RNFT2: variants seen among roughly 807,000 people sequenced by gnomAD.
The protein encoded by RNFT2 is ring finger protein, transmembrane 2, also known as E3 ubiquitin-protein ligase RNFT2.
Under a neutral mutation model 53.0 loss-of-function variants are expected in RNFT2, and 36 were observed. That is an observed-to-expected ratio of 0.68 (90% confidence interval 0.52 to 0.90). RNFT2 has a LOEUF of 0.90. RNFT2 is among the 40% of genes least tolerant of loss of function. The pLI, the probability that RNFT2 is intolerant of heterozygous loss-of-function variation, is 0.00. For synonymous variants in RNFT2, 260 were observed against 253.2 expected (o/e 1.03, Z -0.26); for missense variants, 514 against 585.6 (o/e 0.88, Z 1.26).
intron 8 of RNFT2, among the ~76,000 whole-genome samples, chr12:116,835,181 T>A (rs925101992): frequency 1.3e-5 from 2 of 152,138 alleles, no homozygotes; most frequent in Non-Finnish European, 2.9e-5. Context: ...GTTAAGAAAC[T>A]GAGGTTCAGG....
At chr12:116,794,457 G>A (rs1158112146) in intron 7 of RNFT2, among the ~76,000 whole-genome samples, 1 of 151,186 alleles carries the variant, frequency 6.6e-6, no homozygotes, top group East Asian at 1.9e-4. Flanking sequence ...AATTAGTCAG[G>A]TGTGGTGGTG....
chr12:116,833,962 G>C, intron 8 of RNFT2, 21 bp downstream of exon 8: 2 of 1,583,558 alleles, frequency 1.3e-6, no homozygotes, highest in Non-Finnish European at 1.7e-6. Flanking sequence ...CCCAAGGCTG[G>C]AGGGCCGGCC....
At chr12:116,806,428 A>AGATAGATAGATT (rs1287749257) in intron 7 of RNFT2, among the ~76,000 whole-genome samples, 2 of 151,462 alleles carry the variant, frequency 1.3e-5, no homozygotes, top group Admixed American at 6.6e-5. Context: ...ATAGATAGAT[A>AGATAGATAGATT]GATTCATCTA....
intron 3 of RNFT2, among the ~76,000 whole-genome samples, chr12:116,748,226 A>G (rs1240272788): frequency 6.6e-6 from 1 of 152,126 alleles, no homozygotes; most frequent in Non-Finnish European, 1.5e-5. Flanking sequence ...GATGAACCCG[A>G]GAATAGAAAG....
chr12:116,740,947 T>A, intron 2 of RNFT2, 89 bp from the exon 3 acceptor site: 1 of 1,098,998 alleles, frequency 9.1e-7, no homozygotes, highest in Non-Finnish European at 1.4e-6. Context: ...ATACGACTAG[T>A]GCAGGTTTGC....
intron 7 of RNFT2, among the ~76,000 whole-genome samples, chr12:116,826,040 G>T (rs1449168465): frequency 2.0e-5 from 3 of 152,114 alleles, no homozygotes; most frequent in Non-Finnish European, 2.9e-5. Context: ...GCTGCTGACA[G>T]ATACTTGATT....
chr12:116,822,947 A>G (rs933711443), intron 7 of RNFT2, among the ~76,000 whole-genome samples: 1 of 152,260 alleles, frequency 6.6e-6, no homozygotes, highest in African/African-American at 2.4e-5. Flanking sequence ...CAGTGAGCCA[A>G]GATTGAGCCA....
intron 7 of RNFT2, among the ~76,000 whole-genome samples, chr12:116,815,194 C>T (rs1269578762): frequency 6.6e-6 from 1 of 152,194 alleles, no homozygotes; most frequent in Non-Finnish European, 1.5e-5. Context: ...CTGGCCTCCT[C>T]CCATCTTGCC....
rs141366599 is a variant in RNFT2 at position 116,840,590 on chromosome 12, G to A, written c.1200+4308G>A. 4.1e-3 allele frequency among the ~76,000 whole-genome samples: 631 copies of A among 152,314 alleles called. 4 individuals are homozygous for A. Among genetic ancestry groups the A allele is most frequent in the African/African-American group, 0.014 (589 of 41,572 alleles). On this transcript the variant is annotated intron_variant, in intron 10 of 10. Coordinates refer to ENST00000257575, the MANE Select transcript of RNFT2 (RefSeq NM_001382266.1). Reference sequence around the variant, plus strand: ...TGGCTAAGCTGGAATCAGAGTTCTTGACACCTACCTCTGACTCCTCCATCC... The same window carrying A: ...TGGCTAAGCTGGAATCAGAGTTCTTAACACCTACCTCTGACTCCTCCATCC...
intron 10 of RNFT2, among the ~76,000 whole-genome samples, chr12:116,847,425 G>T (rs1877674521): frequency 6.6e-6 from 1 of 152,080 alleles, no homozygotes. Flanking sequence ...TTTTACAGAT[G>T]GGGGAACTGA....
chr12:116,770,973 T>C (rs185405499), intron 6 of RNFT2, among the ~76,000 whole-genome samples: 126 of 152,322 alleles, frequency 8.3e-4, no homozygotes, highest in Non-Finnish European at 1.0e-3. Context: ...TTTTTATTAG[T>C]AACATTTTGC....
chr12:116,739,573 C>T (rs74625713), intron 1 of RNFT2, among the ~76,000 whole-genome samples: 2,301 of 152,310 alleles, frequency 0.015, 94 homozygotes, highest in East Asian at 0.15. Context: ...TGGGAAGAGA[C>T]GACATTTGCC....
chr12:116,748,963 G>T (rs1404404108), intron 3 of RNFT2, among the ~76,000 whole-genome samples: 1 of 152,112 alleles, frequency 6.6e-6, no homozygotes, highest in Non-Finnish European at 1.5e-5. Flanking sequence ...TTGATGGGAG[G>T]ATTTAGTAAG....
chr12:116,838,015 AT>A (rs540577123), intron 10 of RNFT2, among the ~76,000 whole-genome samples: 1 of 149,602 alleles, frequency 6.7e-6, no homozygotes, highest in South Asian at 2.1e-4. Context: ...ACACAAACAT[AT>A]TTTTTTAAAA....
At position 116,835,984 on chromosome 12, in the gene RNFT2, G is replaced by T; in HGVS notation, c.1057G>T (p.Gly353Cys). 7 of 1,613,990 alleles carry T rather than the reference G, an allele frequency of 4.3e-6. No homozygotes were observed. The highest frequency in any genetic ancestry group is 5.9e-6 in the Non-Finnish European group (7 of 1,179,884). The change falls in exon 9 of 11, where the codon GGC becomes TGC. Residue 353 changes from glycine to cysteine, a missense_variant. Coordinates refer to ENST00000257575, the MANE Select transcript of RNFT2 (RefSeq NM_001382266.1). ...CKSFDICGRV[G>C]GVRKALKLLC... ...GTCCTTCGACATCTGTGGACGTGTG[G>T]GCGGAGTTAGGAAAGCCCTGAAGCT...
rs1427193461 is a variant in RNFT2 at position 116,850,147 on chromosome 12, A to G, written c.*699A>G. On this transcript the variant is annotated 3_prime_UTR_variant, in exon 11 of 11. Transcript: ENST00000257575. ...GGCATGAGCCACCGTGCCCAGGCTC[A>G]CTTTTTTTTTTTTTTTTTTTTTTTT... The G allele has an allele frequency of 2.1e-5, 2 of 96,768 alleles. No homozygotes were observed. Among genetic ancestry groups the G allele is most frequent in the African/African-American group, 4.1e-5 (1 of 24,176 alleles). 6.0% of individuals were successfully genotyped at this position (96,768 alleles called of 1,614,324 possible).
chr12:116,753,322 TG>T (rs1379440401), intron 4 of RNFT2, among the ~76,000 whole-genome samples: 3 of 151,988 alleles, frequency 2.0e-5, no homozygotes, highest in African/African-American at 7.2e-5. Context: ...GGCTAATTTT[TG>T]TATTTTTACT....
chr12:116,750,778 T>C (rs1297780609), intron 4 of RNFT2, among the ~76,000 whole-genome samples: 1 of 138,748 alleles, frequency 7.2e-6, no homozygotes, highest in East Asian at 2.0e-4. Context: ...AACACATTAT[T>C]TTTACTATAT....
intron 10 of RNFT2, among the ~76,000 whole-genome samples, chr12:116,840,920 G>GTT (rs1314023979): frequency 1.5e-5 from 1 of 66,128 alleles, no homozygotes; most frequent in Non-Finnish European, 5.3e-5. Flanking sequence ...AGGGGTATGT[G>GTT]TCTGTGTGTG....
Sources: gnomAD v4.1 joint callset for allele counts (sites outside exome capture counted in the v4.1 genomes callset) on GRCh38, gnomAD v4.1.1 for gene constraint, MANE v1.5 for transcripts, NCBI Gene and HGNC (gene_info 2026-07-23, HGNC 2026-07-21) for gene names.